DCN: variants seen among roughly 807,000 people sequenced by gnomAD.
The protein encoded by DCN is bone proteoglycan II.
DCN carries 17 observed loss-of-function variants against 36.5 expected under a neutral mutation model. That is an observed-to-expected ratio of 0.47 (90% CI 0.32 to 0.70). The LOEUF (loss-of-function observed/expected upper bound fraction) is 0.70. DCN is among the 30% of genes least tolerant of loss of function. The probability of loss-of-function intolerance (pLI) is 0.04; values close to 1 mark genes in which losing one functional copy is unlikely to be tolerated. For missense variants in DCN, 389 were observed against 430.1 expected (o/e 0.90, Z 0.84); for synonymous variants, 163 against 161.4 (o/e 1.01, Z -0.07).
At position 91,151,772 on chromosome 12, in the gene DCN, C is replaced by A; in HGVS notation, c.767G>T (p.Ser256Ile). The change falls in exon 7 of 8, where the codon AGC (serine) becomes ATC (isoleucine). Residue 256 changes from serine to isoleucine, a missense_variant. Physicochemically the swap from Ser to Ile is moderately radical, Grantham distance 142. Transcript: ENST00000052754. ...AGAGCCATTGTCAACAGCAGAGATGCTGTTGAAACTCAATCCCAACCTGCA... is the reference window on the plus strand; with the variant it reads ...AGAGCCATTGTCAACAGCAGAGATGATGTTGAAACTCAATCCCAACCTGCA... ...NLAKLGLSFN[S>I]ISAVDNGSLA... 1 of 1,614,054 alleles carries A rather than the reference C, an allele frequency of 6.2e-7. No individual in the cohort carries two copies.
rs773496909 is a variant in DCN, at chr12:91,182,005, T to C, written c.-34+650A>G. 4.7e-4 allele frequency among the ~76,000 whole-genome samples: 71 copies of C among 152,116 alleles called. 1 individual carries two copies. The highest frequency in any genetic ancestry group is 1.2e-4 in the Non-Finnish European group (8 of 67,986). ...TAGAAAATTAACCCACATCCTCATTTTATAGTGAATGTATCTTAAAATTTC... is the reference window on the plus strand; with the variant it reads ...TAGAAAATTAACCCACATCCTCATTCTATAGTGAATGTATCTTAAAATTTC... On this transcript the variant is annotated intron_variant, in intron 1 of 7. Coordinates refer to ENST00000052754, the MANE Select transcript of DCN (RefSeq NM_001920.5).
At chr12:91,178,229 G>A (rs569628199) in intron 2 of DCN, 113 bp downstream of exon 2, 4 of 909,514 alleles carry the variant, frequency 4.4e-6, no homozygotes, top group East Asian at 2.4e-5. Flanking sequence ...TCATTAGGTG[G>A]CACTGTCTCT....
In DCN at chr12:91,143,118, G is replaced by A. The variant is rs1880805314; in HGVS notation, c.*2940C>T. Reference sequence around the variant, plus strand: ...AGGGTGAAGATGGAGGCATAAATTAGAGTCACGCTGCCATAAGGCAAAGAA... The same window carrying A: ...AGGGTGAAGATGGAGGCATAAATTAAAGTCACGCTGCCATAAGGCAAAGAA... On this transcript the variant is annotated 3_prime_UTR_variant, in exon 8 of 8. Transcript: ENST00000052754. 1 of 152,176 alleles carries A rather than the reference G, an allele frequency of 6.6e-6. No homozygotes were observed. Among genetic ancestry groups the A allele is most frequent in the African/African-American group, 2.4e-5 (1 of 41,416 alleles). The allele number at this position is 152,176 out of a possible 1,614,324, so 9.4% of individuals were successfully genotyped here. A position where few individuals can be genotyped will look rare whatever the true frequency, so the allele number is the denominator to read the frequency against.
intron 2 of DCN, chr12:91,175,131 C>T (rs1334039606): frequency 3.3e-5 from 5 of 152,206 alleles, no homozygotes; most frequent in Middle Eastern, 3.4e-3. Flanking sequence ...GCTAACTCTA[C>T]ATTTATTTTT....
In DCN at chr12:91,153,166, A is replaced by G. The variant is rs772957032; in HGVS notation, c.676T>C (p.Leu226=). 1.2e-6 allele frequency: 2 copies of G among 1,605,160 alleles called. No homozygotes were observed. Among genetic ancestry groups the G allele is most frequent in the Admixed American group, 3.3e-5 (2 of 60,008 alleles). ...CTGATTTTGTTGCCATCAAGATGTA[A>G]TTCCGTAAGGGAAGGAGGAAGACCT... ...PQGLPPSLTE[L]HLDGNKISRV... The change falls in exon 6 of 8, where the codon TTA becomes CTA. Residue 226 remains leucine, a synonymous_variant. Transcript: ENST00000052754.
At chr12:91,159,015 A>G (rs1384333940) in intron 3 of DCN, among the ~76,000 whole-genome samples, 1 of 152,026 alleles carries the variant, frequency 6.6e-6, no homozygotes, top group African/African-American at 2.4e-5. Flanking sequence ...AAGAGAAGGG[A>G]AATGTAATAA....
intron 3 of DCN, among the ~76,000 whole-genome samples, chr12:91,163,304 C>T (rs953550999): frequency 1.3e-5 from 2 of 152,190 alleles, no homozygotes; most frequent in African/African-American, 4.8e-5. Context: ...TCCCAACTAC[C>T]ACAATATTCA....
At chr12:91,164,355 TTA>T (rs1491089433) in intron 3 of DCN, among the ~76,000 whole-genome samples, 1 of 107,630 alleles carries the variant, frequency 9.3e-6, no homozygotes, top group African/African-American at 4.3e-5. Flanking sequence ...ACCCTAAAAC[TTA>T]GAGTATAATA....
At chr12:91,176,540 A>C (rs1330059800) in intron 2 of DCN, 1 of 152,114 alleles carries the variant, frequency 6.6e-6, no homozygotes, top group Non-Finnish European at 1.5e-5. Context: ...TGAACAATTG[A>C]CTTATGCCTT....
intron 2 of DCN, among the ~76,000 whole-genome samples, chr12:91,171,249 G>T (rs1882937134): frequency 1.3e-5 from 2 of 152,104 alleles, no homozygotes; most frequent in Non-Finnish European, 2.9e-5. Context: ...AATGTAGTTT[G>T]TAATCATTAA....
In DCN at chr12:91,143,021, T is replaced by C. The variant is rs1263293333; in HGVS notation, c.*3037A>G. The C allele has an allele frequency of 6.6e-6, 1 of 152,090 alleles. No homozygotes were observed. Among genetic ancestry groups the C allele is most frequent in the Non-Finnish European group, 1.5e-5 (1 of 68,014 alleles). The allele number at this position is 152,090 out of a possible 1,614,324, so 9.4% of individuals were successfully genotyped here. ...GTTCATACTAAATTAGGGTGAGCCT[T>C]AATCCAATATAACTCATGTTCATAG... On this transcript the variant is annotated 3_prime_UTR_variant, in exon 8 of 8. Coordinates refer to ENST00000052754, the MANE Select transcript of DCN (RefSeq NM_001920.5).
chr12:91,166,496 C>A (rs1565783677), intron 2 of DCN, among the ~76,000 whole-genome samples: 1 of 152,172 alleles, frequency 6.6e-6, no homozygotes, highest in South Asian at 2.1e-4. Context: ...AGACAAACTT[C>A]TTTTCATTTG....
rs942957403 is a variant in DCN, at chr12:91,153,034, C to A, written c.746+62G>T. 4.6e-6 allele frequency: 4 copies of A among 868,504 alleles called. No individual in the cohort carries two copies. In the East Asian group the frequency reaches 9.7e-5, roughly 21 times the overall value. The allele number at this position is 868,504 out of a possible 1,614,324, so 53.8% of individuals were successfully genotyped here. On this transcript the variant is annotated intron_variant, in intron 6 of 7. Coordinates refer to ENST00000052754, the MANE Select transcript of DCN (RefSeq NM_001920.5). ...CAATCATCATGTTTATAATTCTTAT[C>A]ATATAAGCACTAATATACCTAGCCA...
chr12:91,178,125 G>A (rs1310399572), intron 2 of DCN, among the ~76,000 whole-genome samples: 1 of 151,868 alleles, frequency 6.6e-6, no homozygotes, highest in Non-Finnish European at 1.5e-5. Context: ...AGTAATGGAG[G>A]AAAAAAGGAA....
At position 91,143,894 on chromosome 12, in the gene DCN, A is replaced by G. The variant is rs1310727186; in HGVS notation, c.*2164T>C. ...GATATATATGTGTGTGTATATATAT[A>G]AATATGGGGGGAAGTTGTGTTGACA... On this transcript the variant is annotated 3_prime_UTR_variant, in exon 8 of 8. Coordinates refer to ENST00000052754, the MANE Select transcript of DCN (RefSeq NM_001920.5). 6.7e-6 allele frequency: 1 copy of G among 150,342 alleles called. No homozygotes were observed. Among genetic ancestry groups the G allele is most frequent in the Non-Finnish European group, 1.5e-5 (1 of 67,754 alleles). 9.3% of individuals were successfully genotyped at this position (150,342 alleles called of 1,614,324 possible). A position where few individuals can be genotyped will look rare whatever the true frequency, so the allele number is the denominator to read the frequency against.
chr12:91,157,785 C>T (rs908872796), intron 4 of DCN, among the ~76,000 whole-genome samples: 1 of 151,988 alleles, frequency 6.6e-6, no homozygotes, highest in Non-Finnish European at 1.5e-5. Context: ...CCCACCACCA[C>T]GCCCGGCTAA....
Position 91,153,090 on chromosome 12 carries a change from T to G in DCN, c.746+6A>C. 1 of 1,503,560 alleles carries G rather than the reference T, an allele frequency of 6.7e-7. No individual in the cohort carries two copies. The highest frequency in any genetic ancestry group is 9.3e-7 in the Non-Finnish European group (1 of 1,079,460). The allele number at this position is 1,503,560 out of a possible 1,614,324, so 93.1% of individuals were successfully genotyped here. The stretch of plus-strand genomic sequence containing the variant: ...CTGATAGAATGTCATGAAAGAATAT[T>G]ATTACTTAGCCAAATTATTCAGTCC... On this transcript the variant is annotated splice_donor_region_variant and intron_variant, in intron 6 of 7. Transcript: ENST00000052754.
At chr12:91,180,892 T>C (rs925223190) in intron 1 of DCN, 1 of 152,138 alleles carries the variant, frequency 6.6e-6, no homozygotes, top group Non-Finnish European at 1.5e-5. Context: ...GCAACGACAG[T>C]TAATGCAGAT....
chr12:91,152,235 A>G (rs1368761732), intron 6 of DCN, among the ~76,000 whole-genome samples: 1 of 152,164 alleles, frequency 6.6e-6, no homozygotes, highest in Non-Finnish European at 1.5e-5. Context: ...TCATGGATCA[A>G]AAACCACTTT....
Sources: allele counts gnomAD v4.1 joint callset (sites outside exome capture counted in the v4.1 genomes callset), GRCh38; gene constraint gnomAD v4.1.1; transcripts MANE v1.5; gene names NCBI Gene and HGNC (gene_info 2026-07-23, HGNC 2026-07-21).